The following GGCX variants were observed in gnomAD, a reference collection of about 807,000 sequenced individuals.
The protein encoded by GGCX is vitamin K-dependent gamma-carboxylase.
In GGCX, 63 loss-of-function variants were observed where a neutral mutation model predicts 88.5. That is an observed-to-expected ratio of 0.71 (90% CI 0.58 to 0.88). The LOEUF is 0.88. Among genes scored for constraint, GGCX ranks in the 40% least tolerant of loss-of-function variants. The probability of loss-of-function intolerance (pLI) is 0.00; values close to 1 mark genes in which losing one functional copy is unlikely to be tolerated. For synonymous variants in GGCX, 368 were observed against 365.8 expected (o/e 1.01, Z -0.07); for missense variants, 805 against 932.9 (o/e 0.86, Z 1.79).
Position 85,551,966 on chromosome 2 carries a change from A to T in GGCX, c.1455T>A (p.Arg485=), listed in dbSNP as rs1416935549. The T allele has an allele frequency of 6.2e-7, 1 of 1,613,800 alleles. No homozygotes were observed. Among genetic ancestry groups the T allele is most frequent in the African/African-American group, 1.3e-5 (1 of 74,908 alleles). The change falls in exon 11 of 15, where the codon CGT becomes CGA. Residue 485 remains arginine (R), a synonymous_variant. Transcript: ENST00000233838. ...ACCAAGCGGCCTGCACGATGTCCACACGAGGGTCAAAAATCCTTAGGAAAG... is the reference window on the plus strand; with the variant it reads ...ACCAAGCGGCCTGCACGATGTCCACTCGAGGGTCAAAAATCCTTAGGAAAG... ...DRFQQRIFDP[R]VDIVQAAWSP...
chr2:85,551,630 C>T lies in GGCX; in HGVS notation c.1610-20G>A. The T allele has an allele frequency of 6.2e-7, 1 of 1,612,686 alleles. No individual in the cohort carries two copies. The highest frequency in any genetic ancestry group is 1.7e-4 in the Middle Eastern group (1 of 6,046). On this transcript the variant is annotated intron_variant, in intron 11 of 14. Transcript: ENST00000233838. The stretch of plus-strand genomic sequence containing the variant: ...GCAGTCCTGCCAGACCAACAGAGTT[C>T]ATCATCCCACCCCATGGCAGAGTGA...
At position 85,551,544 on chromosome 2, in the gene GGCX, T is replaced by C; in HGVS notation, c.1676A>G (p.Glu559Gly). 6.2e-7 allele frequency: 1 copy of C among 1,613,536 alleles called. No individual in the cohort carries two copies. Among genetic ancestry groups the C allele is most frequent in the Admixed American group, 1.7e-5 (1 of 60,002 alleles). ...GNTSIQLLQG[E>G]VTVELVAEQK... ...TTCTGCCACAAGCTCCACAGTCACT[T>C]CCCCCTGCAGCAGCTGGATGCTAGT... Residue 559 changes from glutamate (E) to glycine (G), a missense_variant, in exon 12 of 15, where the codon GAA becomes GGA. Glu to Gly is a moderately conservative substitution (Grantham distance 98). Around this residue, in one of 3 missense-constraint regions of GGCX, gnomAD observed 680 missense variants for 763.7 expected, o/e 0.89. Coordinates refer to ENST00000233838, the MANE Select transcript of GGCX (RefSeq NM_000821.7).
At chr2:85,557,450 T>C (rs1692251595) in intron 4 of GGCX, among the ~76,000 whole-genome samples, 1 of 152,202 alleles carries the variant, frequency 6.6e-6, no homozygotes, top group Non-Finnish European at 1.5e-5. Context: ...ATCACGCCAC[T>C]GCACTCTAGC....
In GGCX at chr2:85,546,996, A is replaced by G. The variant is rs1025779357; in HGVS notation, c.*2938T>C. 2 of 152,216 alleles carry G rather than the reference A, an allele frequency of 1.3e-5. No individual in the cohort carries two copies. Among genetic ancestry groups the G allele is most frequent in the Non-Finnish European group, 2.9e-5 (2 of 68,038 alleles). 9.4% of individuals were successfully genotyped at this position (152,216 alleles called of 1,614,324 possible). On this transcript the variant is annotated 3_prime_UTR_variant, in exon 15 of 15. Transcript: ENST00000233838. ...TATGTTCAGTATTTGCTAAGTAAAC[A>G]AAGATTCCCCAACCTTGAGGGAGCT... is the stretch of plus-strand genomic sequence containing the variant.
chr2:85,550,502 T>C, intron 14 of GGCX, 53 bp downstream of exon 14: 1 of 1,369,014 alleles, frequency 7.3e-7, no homozygotes, highest in Non-Finnish European at 1.0e-6. Flanking sequence ...CAGGGGAAAG[T>C]TACCAAGCTT....
chr2:85,545,289 G>T lies in GGCX; in HGVS notation c.*4645C>A, dbSNP rs1393477163. The T allele has an allele frequency of 1.3e-5, 2 of 152,610 alleles. No homozygotes were observed. The highest frequency in any genetic ancestry group is 4.8e-5 in the African/African-American group (2 of 41,434). 9.5% of individuals were successfully genotyped at this position (152,610 alleles called of 1,614,324 possible). A position where few individuals can be genotyped will look rare whatever the true frequency, so the allele number is the denominator to read the frequency against. ...GCTAGGTTCTACCTTAACTGTGTCTGTTACTCATTTGTTAAAGTGCTTTGG... is the reference window on the plus strand; with the variant it reads ...GCTAGGTTCTACCTTAACTGTGTCTTTTACTCATTTGTTAAAGTGCTTTGG... On this transcript the variant is annotated 3_prime_UTR_variant, in exon 15 of 15. Coordinates refer to ENST00000233838, the MANE Select transcript of GGCX (RefSeq NM_000821.7).
intron 6 of GGCX, chr2:85,554,748 A>G (rs955457377): frequency 7.5e-6 from 2 of 265,102 alleles, no homozygotes; most frequent in Non-Finnish European, 1.5e-5. Flanking sequence ...GATTACAGGC[A>G]TGAGCCACCA....
chr2:85,554,927 G>C (rs1692141589), intron 6 of GGCX: 1 of 169,318 alleles, frequency 5.9e-6, no homozygotes, highest in Non-Finnish European at 1.3e-5. Context: ...CACTTTAAAA[G>C]GTGAATGCTT....
At chr2:85,558,058 C>T (rs1427447508) in intron 4 of GGCX, among the ~76,000 whole-genome samples, 1 of 152,210 alleles carries the variant, frequency 6.6e-6, no homozygotes, top group African/African-American at 2.4e-5. Context: ...CTACTTTTGG[C>T]TCTAACTCTG....
intron 6 of GGCX, 99 bp from the exon 7 acceptor site, chr2:85,554,405 T>G (rs960119712): frequency 1.3e-5 from 13 of 1,027,012 alleles, no homozygotes; most frequent in South Asian, 1.1e-4. Flanking sequence ...AGTGGCTGGG[T>G]AGATGCCTAA....
intron 12 of GGCX, 41 bp downstream of exon 12, chr2:85,551,439 G>A (rs1691947113): frequency 6.2e-7 from 1 of 1,604,166 alleles, no homozygotes; most frequent in South Asian, 1.1e-5. Context: ...GTGAGCTACT[G>A]CACTCAGTTC....
At chr2:85,550,439 AC>A in intron 14 of GGCX, 115 bp downstream of exon 14, 1 of 784,270 alleles carries the variant, frequency 1.3e-6, no homozygotes, top group South Asian at 1.4e-5. Flanking sequence ...AGGAAAAGAT[AC>A]CTAGAGCTAA....
rs1476791017 is a variant in GGCX at position 85,554,673 on chromosome 2, G to A, written c.726-367C>T. ...TTTTGTAGAGACAGTGTCTTATATTGCTCAGGCTGGTCTTGAACTCCTGGG... is the reference window on the plus strand; with the variant it reads ...TTTTGTAGAGACAGTGTCTTATATTACTCAGGCTGGTCTTGAACTCCTGGG... On this transcript the variant is annotated intron_variant, in intron 6 of 14. Coordinates refer to ENST00000233838, the MANE Select transcript of GGCX (RefSeq NM_000821.7). 9.0e-6 allele frequency: 3 copies of A among 331,566 alleles called. No individual in the cohort carries two copies. The East Asian group carries it at 2.2e-4, about 25-fold the overall frequency. The allele number at this position is 331,566 out of a possible 1,614,324, so 20.5% of individuals were successfully genotyped here. A position where few individuals can be genotyped will look rare whatever the true frequency, so the allele number is the denominator to read the frequency against.
intron 1 of GGCX, 46 bp from the exon 2 acceptor site, chr2:85,561,031 AC>A (rs751670724): frequency 6.6e-7 from 1 of 1,510,096 alleles, no homozygotes; most frequent in South Asian, 1.1e-5. Context: ...GGTGGGCTCC[AC>A]CTCAAATCAA....
intron 3 of GGCX, 36 bp downstream of exon 3, chr2:85,558,881 G>A: frequency 6.3e-7 from 1 of 1,589,354 alleles, no homozygotes; most frequent in South Asian, 1.1e-5. Flanking sequence ...CTGTGTTTCT[G>A]GCAGGCCAGT....
rs1402449205 is a variant in GGCX, at chr2:85,553,418, G to A, written c.969C>T (p.Cys323=). 1.2e-6 allele frequency: 2 copies of A among 1,614,032 alleles called. No homozygotes were observed. Among genetic ancestry groups the A allele is most frequent in the Non-Finnish European group, 8.5e-7 (1 of 1,179,918 alleles). ...PEWPRKLVSY[C]PRRLQQLLPL... ...GCAACAGTTGTTGCAACCTTCGGGG[G>A]CAGTAGGACACCAGCTTCCGAGGCC... Residue 323 remains cysteine, a synonymous_variant, in exon 8 of 15, where the codon TGC becomes TGT. Transcript: ENST00000233838.
chr2:85,554,064 C>T (rs912596725), intron 7 of GGCX, 79 bp downstream of exon 7: 1 of 1,127,866 alleles, frequency 8.9e-7, no homozygotes, highest in African/African-American at 1.5e-5. Flanking sequence ...CACCCTCTCC[C>T]ACTCCCAAAC....
At chr2:85,552,328 G>T in intron 10 of GGCX, 88 bp downstream of exon 10, 2 of 1,303,664 alleles carry the variant, frequency 1.5e-6, no homozygotes, top group Non-Finnish European at 2.2e-6. Context: ...AGCTTTTTAA[G>T]CAAGACAATA....
At chr2:85,557,259 G>C (rs1006625843) in intron 4 of GGCX, among the ~76,000 whole-genome samples, 2 of 152,192 alleles carry the variant, frequency 1.3e-5, no homozygotes, top group Non-Finnish European at 2.9e-5. Context: ...TTTTCAAAAT[G>C]CATAAAGTCA....
Sources: allele counts gnomAD v4.1 joint callset (sites outside exome capture counted in the v4.1 genomes callset), GRCh38; gene constraint gnomAD v4.1.1; regional missense constraint gnomAD v4.1.1; transcripts MANE v1.5; gene names NCBI Gene and HGNC (gene_info 2026-07-23, HGNC 2026-07-21).